The following SLC24A3 variants were observed in gnomAD, a reference collection of about 807,000 sequenced individuals.
SLC24A3 encodes the protein sodium/potassium/calcium exchanger 3.
SLC24A3 carries 28 observed loss-of-function variants against 75.8 expected under a neutral mutation model. The observed-to-expected ratio is 0.37, with a 90% CI of 0.27 to 0.51. SLC24A3 has a LOEUF of 0.51. Among genes scored for constraint, SLC24A3 ranks in the 20% least tolerant of loss-of-function variants. The pLI, the probability that SLC24A3 is intolerant of heterozygous loss-of-function variation, is 0.94. For synonymous variants in SLC24A3, 372 were observed against 334.1 expected (o/e 1.11, Z -1.24); for missense variants, 663 against 847.8 (o/e 0.78, Z 2.71).
At chr20:19,523,219 T>G (rs1488084274) in intron 3 of SLC24A3, among the ~76,000 whole-genome samples, 1 of 152,192 alleles carries the variant, frequency 6.6e-6, no homozygotes, top group Non-Finnish European at 1.5e-5. Flanking sequence ...AGGAGTGCAT[T>G]TAAACCAGGG....
intron 2 of SLC24A3, among the ~76,000 whole-genome samples, chr20:19,306,908 C>A (rs930645337): frequency 6.6e-6 from 1 of 152,148 alleles, no homozygotes; most frequent in African/African-American, 2.4e-5. Context: ...AAACCTCTCA[C>A]GTGACACTGC....
chr20:19,495,881 T>A (rs1207888510), intron 2 of SLC24A3, among the ~76,000 whole-genome samples: 1 of 152,162 alleles, frequency 6.6e-6, no homozygotes, highest in Non-Finnish European at 1.5e-5. Flanking sequence ...GTCACCTGAG[T>A]CTGCGCCTGC....
intron 2 of SLC24A3, among the ~76,000 whole-genome samples, chr20:19,382,696 G>T (rs1178053498): frequency 3.3e-5 from 5 of 152,164 alleles, no homozygotes; most frequent in Non-Finnish European, 7.3e-5. Context: ...TGTGAGAGAA[G>T]AGAACAAGGT....
intron 7 of SLC24A3, among the ~76,000 whole-genome samples, chr20:19,659,431 C>A (rs553211442): frequency 2.2e-4 from 34 of 152,322 alleles, no homozygotes; most frequent in African/African-American, 7.9e-4. Flanking sequence ...CTTGTGCTGT[C>A]CAATGTGGTA....
intron 6 of SLC24A3, among the ~76,000 whole-genome samples, chr20:19,624,096 G>C (rs1350688309): frequency 6.6e-6 from 1 of 152,088 alleles, no homozygotes; most frequent in Non-Finnish European, 1.5e-5. Flanking sequence ...ACTATACTTT[G>C]CTTCAAGAAC....
chr20:19,325,346 T>C (rs1984814067), intron 2 of SLC24A3, among the ~76,000 whole-genome samples: 1 of 151,954 alleles, frequency 6.6e-6, no homozygotes, highest in East Asian at 1.9e-4. Context: ...CTGGTGGGGC[T>C]GAGGCAGGAG....
chr20:19,721,389 T>G lies in SLC24A3; in HGVS notation c.*249T>G. 2.3e-6 allele frequency: 1 copy of G among 440,850 alleles called. No individual in the cohort carries two copies. The allele number at this position is 440,850 out of a possible 1,614,324, so 27.3% of individuals were successfully genotyped here. The stretch of plus-strand genomic sequence containing the variant: ...AAGACATCCAACATCCACGTGACTT[T>G]TCCAGCTCCATTTTTGAACAGTGAC... On this transcript the variant is annotated 3_prime_UTR_variant, in exon 17 of 17. Coordinates refer to ENST00000328041, the MANE Select transcript of SLC24A3 (RefSeq NM_020689.4).
At chr20:19,276,128 C>G (rs1983479211) in intron 1 of SLC24A3, among the ~76,000 whole-genome samples, 1 of 152,160 alleles carries the variant, frequency 6.6e-6, no homozygotes. Context: ...GGGCGCCTCT[C>G]CGTATCCCCT....
chr20:19,290,775 A>G lies in SLC24A3; in HGVS notation c.271+9688A>G, dbSNP rs117300073. 8.1e-3 allele frequency among the ~76,000 whole-genome samples: 1,232 copies of G among 152,278 alleles called. 11 individuals carry two copies. The highest frequency in any genetic ancestry group is 9.6e-3 in the Non-Finnish European group (655 of 68,018). On this transcript the variant is annotated intron_variant, in intron 2 of 16. Transcript: ENST00000328041. ...TAGAATAGCTGGGCTTGCAAGGCCT[A>G]GAATCTTCAACAAGCTGGCAAACAG...
intron 2 of SLC24A3, among the ~76,000 whole-genome samples, chr20:19,316,365 A>G (rs1327367126): frequency 6.6e-6 from 1 of 152,172 alleles, no homozygotes; most frequent in Non-Finnish European, 1.5e-5. Context: ...GGTTTACATA[A>G]AAGGCCAAGG....
At chr20:19,540,430 G>A (rs531236119) in intron 3 of SLC24A3, among the ~76,000 whole-genome samples, 1 of 152,306 alleles carries the variant, frequency 6.6e-6, no homozygotes, top group Admixed American at 6.5e-5. Flanking sequence ...CAAGGGCTCT[G>A]CCTGAACACC....
intron 2 of SLC24A3, among the ~76,000 whole-genome samples, chr20:19,343,769 G>T (rs1985329150): frequency 6.6e-6 from 1 of 152,188 alleles, no homozygotes; most frequent in African/African-American, 2.4e-5. Flanking sequence ...AGGAAATAAT[G>T]TTGGATGCAT....
chr20:19,530,475 A>G (rs1296138374), intron 3 of SLC24A3, among the ~76,000 whole-genome samples: 3 of 152,210 alleles, frequency 2.0e-5, no homozygotes, highest in Admixed American at 2.0e-4. Flanking sequence ...ATGACAGCTC[A>G]ATGGTGGTGG....
intron 2 of SLC24A3, among the ~76,000 whole-genome samples, chr20:19,377,809 T>A (rs1364903472): frequency 6.6e-6 from 1 of 152,184 alleles, no homozygotes; most frequent in Non-Finnish European, 1.5e-5. Flanking sequence ...ACAGACCTGT[T>A]CAGAAAAGGC....
In SLC24A3 at chr20:19,716,293, A is replaced by G. The variant is rs368185919; in HGVS notation, c.1720-1235A>G. 2.2e-4 allele frequency among the ~76,000 whole-genome samples: 34 copies of G among 152,202 alleles called. No homozygotes were observed. The East Asian group carries it at 6.4e-3, about 29-fold the overall frequency. On this transcript the variant is annotated intron_variant, in intron 15 of 16. Coordinates refer to ENST00000328041, the MANE Select transcript of SLC24A3 (RefSeq NM_020689.4). ...AGTGTCTTCTCTACATCATGAAAGA[A>G]ACTATTTGGCCTTTGTCAGCCAAGT... is the stretch of plus-strand genomic sequence containing the variant.
At chr20:19,355,812 C>A (rs60197630) in intron 2 of SLC24A3, among the ~76,000 whole-genome samples, 1 of 152,026 alleles carries the variant, frequency 6.6e-6, no homozygotes, top group Non-Finnish European at 1.5e-5. Flanking sequence ...TTTTGAGATG[C>A]CTGCTACATT....
intron 2 of SLC24A3, among the ~76,000 whole-genome samples, chr20:19,330,289 G>C (rs919654766): frequency 6.6e-5 from 10 of 152,172 alleles, no homozygotes; most frequent in Non-Finnish European, 1.0e-4. Flanking sequence ...TCCCAGAGGA[G>C]GTGGTCAGGG....
chr20:19,315,204 C>T (rs1168693211), intron 2 of SLC24A3, among the ~76,000 whole-genome samples: 2 of 152,182 alleles, frequency 1.3e-5, no homozygotes, highest in Non-Finnish European at 2.9e-5. Flanking sequence ...TTGGTTTCCT[C>T]TGTGCTGGGC....
chr20:19,411,251 T>C (rs78887094), intron 2 of SLC24A3, among the ~76,000 whole-genome samples: 1,823 of 152,306 alleles, frequency 0.012, 36 homozygotes, highest in African/African-American at 0.039. Context: ...TGTTCCCAAA[T>C]AGGTGTTACC....
Sources: allele counts gnomAD v4.1 joint callset (sites outside exome capture counted in the v4.1 genomes callset), GRCh38; gene constraint gnomAD v4.1.1; transcripts MANE v1.5; gene names NCBI Gene and HGNC (gene_info 2026-07-23, HGNC 2026-07-21).